Variants in THSD7B observed in about 807,000 individuals in gnomAD.
The protein encoded by THSD7B is thrombospondin type 1 domain containing 7B, also known as thrombospondin type-1 domain-containing protein 7B.
THSD7B carries 138 observed loss-of-function variants against 213.6 expected under a neutral mutation model. The ratio of observed to expected loss-of-function variants is 0.65; its 90% CI spans 0.56 to 0.74. The LOEUF (loss-of-function observed/expected upper bound fraction) is 0.74. Ranked by LOEUF, THSD7B falls within the 30% of genes least tolerant of loss-of-function variation. THSD7B has a pLI of 0.00. For missense variants in THSD7B, 1,931 were observed against 1,991.5 expected, an observed-to-expected ratio of 0.97 and a Z score of 0.58; for synonymous variants, 742 against 687.0, an observed-to-expected ratio of 1.08 and a Z score of -1.25.
chr2:137,534,000 A>ATGTG (rs141422453), intron 15 of THSD7B, among the ~76,000 whole-genome samples: 2 of 132,824 alleles, frequency 1.5e-5, no homozygotes, highest in East Asian at 2.2e-4. Context: ...GTGCACATGT[A>ATGTG]TGTGTGTGTG....
intron 15 of THSD7B, among the ~76,000 whole-genome samples, chr2:137,544,317 T>C (rs1680660091): frequency 6.6e-6 from 1 of 151,762 alleles, no homozygotes; most frequent in African/African-American, 2.4e-5. Context: ...TTGAAAATAT[T>C]ATGCTAAATG....
At chr2:137,604,133 CTCAA>C (rs997576219) in intron 17 of THSD7B, among the ~76,000 whole-genome samples, 2 of 151,898 alleles carry the variant, frequency 1.3e-5, no homozygotes, top group Admixed American at 6.5e-5. Context: ...AAAAAAACAA[CTCAA>C]TCAGATTCCT....
At chr2:137,399,373 A>G (rs555409402) in intron 12 of THSD7B, among the ~76,000 whole-genome samples, 30 of 151,846 alleles carry the variant, frequency 2.0e-4, no homozygotes, top group Admixed American at 6.6e-4. Context: ...TTTTATTTTT[A>G]GTAGAGATGG....
At chr2:136,949,240 G>A (rs1684993093) in intron 2 of THSD7B, among the ~76,000 whole-genome samples, 1 of 152,174 alleles carries the variant, frequency 6.6e-6, no homozygotes, top group African/African-American at 2.4e-5. Context: ...ATGGGGCTCT[G>A]AGCCTTGCTT....
chr2:137,063,482 G>T (rs1034708873), intron 3 of THSD7B, among the ~76,000 whole-genome samples: 4 of 151,898 alleles, frequency 2.6e-5, no homozygotes, highest in African/African-American at 7.3e-5. Flanking sequence ...TCATATCAGG[G>T]TAAATGGAGT....
intron 2 of THSD7B, among the ~76,000 whole-genome samples, chr2:137,024,893 T>A (rs962238090): frequency 6.6e-6 from 1 of 152,142 alleles, no homozygotes; most frequent in Admixed American, 6.6e-5. Flanking sequence ...CAAGATATAT[T>A]CCATCTAATC....
At chr2:136,935,778 T>C (rs184549900) in intron 2 of THSD7B, among the ~76,000 whole-genome samples, 1 of 151,792 alleles carries the variant, frequency 6.6e-6, no homozygotes, top group Admixed American at 6.6e-5. Flanking sequence ...AAGAAAAGAG[T>C]GTGCTCTGTG....
At chr2:137,060,716 ACTAT>A (rs1687254609) in intron 3 of THSD7B, among the ~76,000 whole-genome samples, 1 of 151,850 alleles carries the variant, frequency 6.6e-6, no homozygotes, top group Non-Finnish European at 1.5e-5. Flanking sequence ...ATTCTATTTT[ACTAT>A]CTATTATTTG....
intron 17 of THSD7B, among the ~76,000 whole-genome samples, chr2:137,598,165 G>A (rs1321837378): frequency 6.6e-6 from 1 of 151,972 alleles, no homozygotes; most frequent in Non-Finnish European, 1.5e-5. Flanking sequence ...CAAATTCCAA[G>A]ACATTATTTT....
intron 20 of THSD7B, among the ~76,000 whole-genome samples, chr2:137,629,857 T>C (rs1323923008): frequency 6.6e-6 from 1 of 152,160 alleles, no homozygotes; most frequent in Non-Finnish European, 1.5e-5. Flanking sequence ...GACTAATGTT[T>C]TCTTTACTAG....
intron 1 of THSD7B, among the ~76,000 whole-genome samples, chr2:136,790,145 G>A (rs1376407389): frequency 7.0e-6 from 1 of 143,452 alleles, no homozygotes; most frequent in Non-Finnish European, 1.6e-5. Context: ...GTGTGTGTTT[G>A]TGTGTGTGTT....
chr2:137,013,064 G>T (rs185059795), intron 2 of THSD7B, among the ~76,000 whole-genome samples: 2 of 152,172 alleles, frequency 1.3e-5, no homozygotes, highest in East Asian at 3.9e-4. Context: ...ACAAGACTAT[G>T]ATTTTATTTG....
In THSD7B at chr2:137,595,011, G is replaced by T. The variant is rs142949726; in HGVS notation, c.3424-21164G>T. Among the ~76,000 whole-genome samples the T allele has an allele frequency of 5.3e-5, 8 of 151,942 alleles. No individual in the cohort carries two copies. The East Asian group carries it at 1.5e-3, about 29-fold the overall frequency. ...TATCTTTACTTTCCCATTTTTGGTTGCAACTGTACAGATATGCAATTAATT... is the reference window on the plus strand; with the variant it reads ...TATCTTTACTTTCCCATTTTTGGTTTCAACTGTACAGATATGCAATTAATT... On this transcript the variant is annotated intron_variant, in intron 17 of 27. Coordinates refer to ENST00000409968, the MANE Select transcript of THSD7B (RefSeq NM_001316349.2).
chr2:137,302,829 G>T (rs915835755), intron 12 of THSD7B, among the ~76,000 whole-genome samples: 4 of 152,052 alleles, frequency 2.6e-5, no homozygotes, highest in African/African-American at 9.7e-5. Context: ...TATTAAAAAC[G>T]AAGTCATGAC....
At chr2:136,859,644 A>G (rs1683229295) in intron 1 of THSD7B, among the ~76,000 whole-genome samples, 1 of 152,228 alleles carries the variant, frequency 6.6e-6, no homozygotes, top group Non-Finnish European at 1.5e-5. Flanking sequence ...GGTGTGTGCA[A>G]GGTATGCCCC....
At chr2:137,234,661 C>G (rs1258453868) in intron 9 of THSD7B, among the ~76,000 whole-genome samples, 1 of 152,126 alleles carries the variant, frequency 6.6e-6, no homozygotes, top group East Asian at 1.9e-4. Flanking sequence ...CCTAGTCTAG[C>G]ACAGCATCTG....
chr2:137,081,872 G>A (rs558714497), intron 3 of THSD7B, among the ~76,000 whole-genome samples: 70 of 152,176 alleles, frequency 4.6e-4, no homozygotes, highest in African/African-American at 1.6e-3. Context: ...TTTGATTTAT[G>A]GATGTTGTTG....
intron 2 of THSD7B, among the ~76,000 whole-genome samples, chr2:136,890,078 G>C (rs1683787921): frequency 6.6e-6 from 1 of 151,978 alleles, no homozygotes; most frequent in Non-Finnish European, 1.5e-5. Context: ...TTGTATTATA[G>C]TCCCCAGTGC....
intron 1 of THSD7B, among the ~76,000 whole-genome samples, chr2:136,797,048 T>C (rs1376843276): frequency 2.0e-5 from 3 of 151,198 alleles, no homozygotes; most frequent in Non-Finnish European, 4.4e-5. Context: ...GTTTTTGTCA[T>C]GAAAAGAAAT....
Sources: allele counts gnomAD v4.1 joint callset (sites outside exome capture counted in the v4.1 genomes callset), GRCh38; gene constraint gnomAD v4.1.1; transcripts MANE v1.5; gene names NCBI Gene and HGNC (gene_info 2026-07-23, HGNC 2026-07-21).